PARP9: variants seen among roughly 807,000 people sequenced by gnomAD.
PARP9 encodes the protein poly(ADP-ribose) polymerase family member 9.
Under a neutral mutation model 68.8 loss-of-function variants are expected in PARP9, and 48 were observed. The ratio of observed to expected loss-of-function variants is 0.70; its 90% confidence interval spans 0.55 to 0.89. The LOEUF (loss-of-function observed/expected upper bound fraction) is 0.89, where lower values mean the gene tolerates loss of function less well. Among genes scored for constraint, PARP9 ranks in the 40% least tolerant of loss-of-function variants. The pLI, the probability that PARP9 is intolerant of heterozygous loss-of-function variation, is 0.00. For synonymous variants in PARP9, 309 were observed against 333.8 expected, an observed-to-expected ratio of 0.93 and a Z score of 0.81; for missense variants, 806 against 969.3, an observed-to-expected ratio of 0.83 and a Z score of 2.24.
intron 1 of PARP9, among the ~76,000 whole-genome samples, chr3:122,560,122 G>A (rs1175190440): frequency 1.3e-5 from 2 of 152,166 alleles, no homozygotes; most frequent in Non-Finnish European, 2.9e-5. Context: ...CCTGGAGAGC[G>A]TTTGAAGAAA....
intron 1 of PARP9, among the ~76,000 whole-genome samples, chr3:122,562,141 A>G (rs765804030): frequency 4.7e-5 from 7 of 149,536 alleles, no homozygotes; most frequent in Non-Finnish European, 1.0e-4. Flanking sequence ...CTTTTGCCTG[A>G]GCTGTGGCAA....
chr3:122,555,587 T>A lies in PARP9; in HGVS notation c.584A>T (p.His195Leu), dbSNP rs2107709452. ...GGCTGGAATTGCTACTGTCTTAATGTGAGTATTTTTATAGATGACATAATT... is the reference window on the plus strand; with the variant it reads ...GGCTGGAATTGCTACTGTCTTAATGAGAGTATTTTTATAGATGACATAATT... ...ILNYVIYKNTHIKTVAIPALS... is the reference protein window; with the variant it reads ...ILNYVIYKNTLIKTVAIPALS... Residue 195 changes from histidine (H) to leucine (L), a missense_variant, in exon 4 of 11, where the codon CAC becomes CTC. Around this residue, in one of 2 missense-constraint regions of PARP9, gnomAD observed 680 missense variants for 858.8 expected, o/e 0.79. Coordinates refer to ENST00000682323, the MANE Select transcript of PARP9 (RefSeq NM_001146105.2). 6 of 1,614,092 alleles carry A rather than the reference T, an allele frequency of 3.7e-6. No individual in the cohort carries two copies. In the East Asian group the frequency reaches 1.3e-4, roughly 36 times the overall value.
intron 9 of PARP9, 95 bp from the exon 10 acceptor site, chr3:122,536,437 CATA>C: frequency 1.3e-6 from 2 of 1,507,360 alleles, no homozygotes; most frequent in African/African-American, 1.4e-5. Context: ...AGCTTATGTG[CATA>C]ATACTACTTT....
chr3:122,543,434 T>C (rs2107632883), intron 7 of PARP9, among the ~76,000 whole-genome samples: 1 of 151,460 alleles, frequency 6.6e-6, no homozygotes, highest in Admixed American at 6.6e-5. Flanking sequence ...TGTGCCACCA[T>C]GCCCGGCTAA....
chr3:122,544,537 A>G (rs2078536803), intron 7 of PARP9, among the ~76,000 whole-genome samples: 1 of 152,278 alleles, frequency 6.6e-6, no homozygotes, highest in Non-Finnish European at 1.5e-5. Context: ...AAACTCCACT[A>G]AAAGAATGAT....
intron 1 of PARP9, 135 bp from the exon 2 acceptor site, chr3:122,559,844 A>G (rs2080035314): frequency 2.4e-6 from 1 of 412,802 alleles, no homozygotes; most frequent in Non-Finnish European, 4.3e-6. Context: ...CGATGTACAC[A>G]TTGTTTTGCT....
rs186922619 is a variant in PARP9, at chr3:122,551,137, C to T, written c.1108-335G>A. On this transcript the variant is annotated intron_variant, in intron 5 of 10. Coordinates refer to ENST00000682323, the MANE Select transcript of PARP9 (RefSeq NM_001146105.2). ...CATTCACCTGCCCCTTCCAGGTCAA[C>T]GTCAAGAGCCCTTGAATTTTCATAA... 2.3e-3 allele frequency among the ~76,000 whole-genome samples: 348 copies of T among 152,268 alleles called. 2 individuals are homozygous for T. Among genetic ancestry groups the T allele is most frequent in the African/African-American group, 8.1e-3 (336 of 41,538 alleles).
In PARP9 at chr3:122,528,251, C is replaced by A; in HGVS notation, c.*113G>T. 2 of 1,337,384 alleles carry A rather than the reference C, an allele frequency of 1.5e-6. No homozygotes were observed. Among genetic ancestry groups the A allele is most frequent in the Non-Finnish European group, 2.1e-6 (2 of 969,278 alleles). The allele number at this position is 1,337,384 out of a possible 1,614,324, so 82.8% of individuals were successfully genotyped here. ...TAGTCCTTTCAATAACCCAGTCAGT[C>A]CATACAGATAACCCATGGGATATAT... On this transcript the variant is annotated 3_prime_UTR_variant, in exon 11 of 11. Transcript: ENST00000682323.
At chr3:122,564,653 G>T, upstream of PARP9, 1 of 1,560,896 alleles carries the variant, frequency 6.4e-7, no homozygotes, top group South Asian at 1.2e-5. Context: ...CCCTCTGGGG[G>T]CCCGGCCCCC....
upstream of PARP9, chr3:122,564,348 G>GC (rs1230508283): frequency 2.7e-6 from 4 of 1,465,694 alleles, no homozygotes; most frequent in Non-Finnish European, 3.6e-6. Flanking sequence ...GAAACTTTGC[G>GC]CCCAGTCCGC....
At position 122,536,230 on chromosome 3, in the gene PARP9, G is replaced by A. The variant is rs2077628076; in HGVS notation, c.2018C>T (p.Pro673Leu). The A allele has an allele frequency of 6.2e-7, 1 of 1,614,034 alleles. No homozygotes were observed. The highest frequency in any genetic ancestry group is 8.5e-7 in the Non-Finnish European group (1 of 1,180,014). The change falls in exon 10 of 11, where the codon CCA (proline) becomes CTA (leucine). Residue 673 changes from proline to leucine, a missense_variant. Physicochemically the swap from Pro to Leu is moderately conservative, Grantham distance 98 (BLOSUM62 -3). Transcript: ENST00000682323. ...GCATACCACATTGCAGAACTGGTAT[G>A]GGACTTGCTGAAACAGCCTATGGCT... ...PVSHRLFQQV[P>L]YQFCNVVCRV... is the part of the protein sequence containing the mutation.
intron 7 of PARP9, among the ~76,000 whole-genome samples, chr3:122,544,759 C>A (rs182429797): frequency 9.8e-4 from 149 of 152,286 alleles, no homozygotes; most frequent in Non-Finnish European, 3.1e-4. Flanking sequence ...TGGCTTGAGC[C>A]TGTGAAGCAG....
intron 6 of PARP9, among the ~76,000 whole-genome samples, chr3:122,549,281 G>A (rs568786480): frequency 1.3e-5 from 2 of 152,160 alleles, no homozygotes; most frequent in Non-Finnish European, 2.9e-5. Flanking sequence ...CTCCCAAAGT[G>A]CTGGGATTAC....
At chr3:122,537,109 C>G (rs757829435) in intron 8 of PARP9, 36 bp from the exon 9 acceptor site, 1 of 1,562,638 alleles carries the variant, frequency 6.4e-7, no homozygotes, top group Non-Finnish European at 8.7e-7. Flanking sequence ...TACTTCAATG[C>G]TCTGAGAGAG....
intron 2 of PARP9, among the ~76,000 whole-genome samples, chr3:122,559,008 C>A (rs1485227189): frequency 6.6e-6 from 1 of 152,174 alleles, no homozygotes; most frequent in Admixed American, 6.5e-5. Context: ...CAGCCACCGC[C>A]AATGCATCTC....
intron 7 of PARP9, among the ~76,000 whole-genome samples, chr3:122,544,940 G>A (rs1235827170): frequency 6.6e-6 from 1 of 152,148 alleles, no homozygotes; most frequent in Non-Finnish European, 1.5e-5. Context: ...CTGTAGAGTT[G>A]GGACAAATAC....
chr3:122,539,576 T>TTTC (rs2078019768), intron 8 of PARP9, among the ~76,000 whole-genome samples: 3 of 149,168 alleles, frequency 2.0e-5, no homozygotes, highest in African/African-American at 7.5e-5. Context: ...TCTTTTTTTT[T>TTTC]TGAGACAGAG....
At chr3:122,535,462 C>T (rs1259562549) in intron 10 of PARP9, 1 of 985,280 alleles carries the variant, frequency 1.0e-6, no homozygotes, top group Non-Finnish European at 1.2e-6. Flanking sequence ...ATAGACCAAG[C>T]AAAATCAAGC....
chr3:122,552,287 T>TTCTC, intron 5 of PARP9, 131 bp downstream of exon 5: 1 of 652,292 alleles, frequency 1.5e-6, no homozygotes, highest in Non-Finnish European at 2.6e-6. Flanking sequence ...CTCGCAGGTG[T>TTCTC]GCTAAAAATT....
Sources: gnomAD v4.1 joint callset for allele counts (sites outside exome capture counted in the v4.1 genomes callset) on GRCh38, gnomAD v4.1.1 for gene constraint, gnomAD v4.1.1 regional missense constraint, MANE v1.5 for transcripts, NCBI Gene and HGNC (gene_info 2026-07-23, HGNC 2026-07-21) for gene names.